Variants in HOOK1 observed in about 807,000 individuals in gnomAD.
HOOK1 encodes hook microtubule tethering protein 1, also known as protein Hook homolog 1.
HOOK1 carries 60 observed loss-of-function variants against 112.8 expected under a neutral mutation model. The ratio of observed to expected loss-of-function variants is 0.53; its 90% CI spans 0.43 to 0.66. HOOK1 has a LOEUF of 0.66. HOOK1 is among the 30% of genes least tolerant of loss of function. The probability of loss-of-function intolerance (pLI) is 0.00; values close to 1 mark genes in which losing one functional copy is unlikely to be tolerated. For synonymous variants in HOOK1, 294 were observed against 283.8 expected (o/e 1.04, Z -0.36); for missense variants, 770 against 856.0 (o/e 0.90, Z 1.25).
In HOOK1 at chr1:59,821,746, C is replaced by T. The variant is rs2098385803; in HGVS notation, c.64-112C>T. ...GGTCTACATTTAAACAAAACAGGAC[C>T]ATGTTTTTTTTTTTTGTTTTTTTTA... On this transcript the variant is annotated intron_variant, in intron 1 of 21. Transcript: ENST00000371208. 4 of 703,698 alleles carry T rather than the reference C, an allele frequency of 5.7e-6. No individual in the cohort carries two copies. In the South Asian group the frequency reaches 8.2e-5, roughly 14 times the overall value. 43.6% of individuals were successfully genotyped at this position (703,698 alleles called of 1,614,324 possible).
intron 15 of HOOK1, among the ~76,000 whole-genome samples, chr1:59,862,365 T>A (rs2098414095): frequency 6.6e-6 from 1 of 152,120 alleles, no homozygotes; most frequent in African/African-American, 2.4e-5. Context: ...TTAAAAAAAC[T>A]TGTGGAAATG....
chr1:59,832,144 CTT>C lies in HOOK1; in HGVS notation c.223-18_223-17del. The C allele has an allele frequency of 7.3e-7, 1 of 1,369,444 alleles. No homozygotes were observed. The highest frequency in any genetic ancestry group is 1.0e-6 in the Non-Finnish European group (1 of 994,852). The allele number at this position is 1,369,444 out of a possible 1,614,324, so 84.8% of individuals were successfully genotyped here. On this transcript the variant is annotated splice_polypyrimidine_tract_variant and intron_variant, in intron 3 of 21. Transcript: ENST00000371208. ...CATTATTAATCTGAAATAAGAATCTCTTATTTTTTTCACATTAGGCCAGTAAT... is the reference window on the plus strand; with the variant it reads ...CATTATTAATCTGAAATAAGAATCTCATTTTTTTCACATTAGGCCAGTAAT...
At chr1:59,855,944 ATATATATATATATATAAATTAT>A (rs1294240291) in intron 12 of HOOK1, among the ~76,000 whole-genome samples, 40 of 28,688 alleles carry the variant, frequency 1.4e-3, no homozygotes, top group Non-Finnish European at 2.2e-3. Context: ...CAGCTAATTT[ATATATATATATATATAAATTAT>A]TATATATATA....
rs137933121 is a variant in HOOK1, at chr1:59,865,884, A to G, written c.1757A>G (p.Asn586Ser). The G allele has an allele frequency of 3.6e-4, 561 of 1,566,662 alleles. No homozygotes were observed. In the African/African-American group the frequency reaches 5.8e-3, roughly 16 times the overall value. ...PDINQNVQKI[N>S]ELEAALQKKD... The stretch of plus-strand genomic sequence containing the variant: ...TTTTTACTAATAGTACAAAAGATCA[A>G]TGAACTTGAAGCTGCTCTTCAGAAG... Residue 586 changes from asparagine to serine, a missense_variant, in exon 19 of 22, where the codon AAT becomes AGT. By Grantham distance (46) the Asn-to-Ser change is conservative. Around this residue, in one of 3 missense-constraint regions of HOOK1, gnomAD observed 655 missense variants for 725.9 expected, o/e 0.90. Transcript: ENST00000371208.
At chr1:59,859,601 A>G (rs990391248) in intron 14 of HOOK1, among the ~76,000 whole-genome samples, 3 of 151,988 alleles carry the variant, frequency 2.0e-5, no homozygotes, top group African/African-American at 7.2e-5. Flanking sequence ...GGGAACAACT[A>G]AGGGAGAGTA....
Position 59,843,435 on chromosome 1 carries a change from A to G in HOOK1, c.625A>G (p.Thr209Ala), listed in dbSNP as rs138477185. Residue 209 changes from threonine to alanine, a missense_variant, in exon 9 of 22, where the codon ACT becomes GCT. This residue lies in a region of HOOK1 where 655 missense variants were observed against 725.9 expected (regional missense o/e 0.90). Transcript: ENST00000371208. Reference sequence around the variant, plus strand: ...TGTATGTGTATTTGTTTCTTAGGTGACTACACTTCAAGATGAAAAGAATTC... The same window carrying G: ...TGTATGTGTATTTGTTTCTTAGGTGGCTACACTTCAAGATGAAAAGAATTC... ...QRCEELDMQV[T>A]TLQDEKNSLV... 4.2e-5 allele frequency: 68 copies of G among 1,604,428 alleles called. No individual in the cohort carries two copies. In the African/African-American group the frequency reaches 8.5e-4, roughly 20 times the overall value.
chr1:59,838,328 C>CT (rs532195063), intron 7 of HOOK1, among the ~76,000 whole-genome samples: 97 of 152,298 alleles, frequency 6.4e-4, no homozygotes, highest in African/African-American at 2.2e-3. Flanking sequence ...AAAAGCGTTC[C>CT]TATTTTTCCA....
At chr1:59,840,238 ATATTTTTC>A in intron 7 of HOOK1, 62 bp from the exon 8 acceptor site, 6 of 987,504 alleles carry the variant, frequency 6.1e-6, no homozygotes, top group Admixed American at 5.8e-5. Flanking sequence ...TGAGAAGAGT[ATATTTTTC>A]TATTTTTCTA....
chr1:59,866,331 A>G (rs537539436), intron 19 of HOOK1, among the ~76,000 whole-genome samples: 1 of 152,340 alleles, frequency 6.6e-6, no homozygotes, highest in East Asian at 1.9e-4. Flanking sequence ...TTCTAGAAAC[A>G]GCAAAATGGA....
At chr1:59,855,959 T>TAAAAAAAAAA (rs1559057957) in intron 12 of HOOK1, among the ~76,000 whole-genome samples, 2 of 84,246 alleles carry the variant, frequency 2.4e-5, no homozygotes, top group African/African-American at 1.1e-4. Context: ...TATATATATA[T>TAAAAAAAAAA]AAATTATTAT....
chr1:59,860,105 G>A (rs1488876799), intron 14 of HOOK1, 83 bp from the exon 15 acceptor site: 1 of 1,050,410 alleles, frequency 9.5e-7, no homozygotes, highest in African/African-American at 1.6e-5. Flanking sequence ...CTATTGAGTG[G>A]ACAGGAATTT....
At chr1:59,833,191 A>G (rs2098395259) in intron 4 of HOOK1, among the ~76,000 whole-genome samples, 1 of 152,172 alleles carries the variant, frequency 6.6e-6, no homozygotes, top group Admixed American at 6.6e-5. Flanking sequence ...TTGATGTGAA[A>G]CCAAAAGGAA....
chr1:59,860,543 A>T (rs1332143190), intron 15 of HOOK1, among the ~76,000 whole-genome samples: 1 of 152,152 alleles, frequency 6.6e-6, no homozygotes, highest in African/African-American at 2.4e-5. Context: ...AAATATATGG[A>T]TAATCCATTA....
chr1:59,826,529 T>C (rs952791941), intron 2 of HOOK1, among the ~76,000 whole-genome samples: 2 of 152,004 alleles, frequency 1.3e-5, no homozygotes, highest in African/African-American at 4.8e-5. Context: ...GAAAGGAAGA[T>C]GAGGAGGAAT....
chr1:59,860,586 T>C (rs1294030983), intron 15 of HOOK1, among the ~76,000 whole-genome samples: 2 of 152,036 alleles, frequency 1.3e-5, no homozygotes, highest in African/African-American at 2.4e-5. Context: ...AGGCTACTTA[T>C]TCTTTTTATT....
intron 12 of HOOK1, 98 bp downstream of exon 12, chr1:59,849,281 C>G: frequency 1.6e-6 from 1 of 635,000 alleles, no homozygotes; most frequent in Non-Finnish European, 2.5e-6. Context: ...TACCAGTTCT[C>G]TCTTCCTCCA....
At chr1:59,857,984 A>G (rs571563820) in intron 12 of HOOK1, among the ~76,000 whole-genome samples, 15 of 152,314 alleles carry the variant, frequency 9.8e-5, no homozygotes, top group Non-Finnish European at 1.8e-4. Flanking sequence ...TAGATCCTTG[A>G]CTAATACCAC....
At chr1:59,857,316 G>C (rs2098411232) in intron 12 of HOOK1, among the ~76,000 whole-genome samples, 1 of 151,414 alleles carries the variant, frequency 6.6e-6, no homozygotes, top group African/African-American at 2.5e-5. Context: ...AAGGCTGCTT[G>C]TTTTCAAGGT....
chr1:59,870,078 A>G (rs1199992402), intron 20 of HOOK1, among the ~76,000 whole-genome samples: 3 of 152,198 alleles, frequency 2.0e-5, no homozygotes, highest in East Asian at 1.9e-4. Context: ...CTGGCTCACC[A>G]TCTTCTCATC....
Sources: gnomAD v4.1 joint callset for allele counts (sites outside exome capture counted in the v4.1 genomes callset) on GRCh38, gnomAD v4.1.1 for gene constraint, gnomAD v4.1.1 regional missense constraint, MANE v1.5 for transcripts, NCBI Gene and HGNC (gene_info 2026-07-23, HGNC 2026-07-21) for gene names.